MAGI3: variants seen among roughly 807,000 people sequenced by gnomAD.
MAGI3 encodes the protein membrane associated guanylate kinase, WW and PDZ domain containing 3.
Under a neutral mutation model 121.8 loss-of-function variants are expected in MAGI3, and 43 were observed. The observed-to-expected ratio is 0.35, with a 90% confidence interval of 0.28 to 0.46. The LOEUF is 0.46. MAGI3 is among the 20% of genes least tolerant of loss of function. The probability of loss-of-function intolerance (pLI) is 1.00; values close to 1 mark genes in which losing one functional copy is unlikely to be tolerated. For missense variants in MAGI3, 1,547 were observed against 1,797.3 expected (o/e 0.86, Z 2.52); for synonymous variants, 553 against 639.3 (o/e 0.86, Z 2.04).
intron 1 of MAGI3, among the ~76,000 whole-genome samples, chr1:113,494,574 C>A (rs890907840): frequency 2.6e-5 from 4 of 152,198 alleles, no homozygotes; most frequent in African/African-American, 9.7e-5. Context: ...ACAGTTCCCA[C>A]ATGCTAAATG....
At chr1:113,404,489 C>A (rs1160227755) in intron 1 of MAGI3, 1 of 152,146 alleles carries the variant, frequency 6.6e-6, no homozygotes, top group African/African-American at 2.4e-5. Flanking sequence ...CCACATTTTA[C>A]AATTATCTAT....
intron 1 of MAGI3, among the ~76,000 whole-genome samples, chr1:113,437,872 CTTCT>C (rs1360914095): frequency 8.6e-4 from 6 of 7,016 alleles, no homozygotes; most frequent in South Asian, 0.016. Context: ...TCCTCTTCTT[CTTCT>C]TCTCCTTCTC....
chr1:113,626,117 C>T (rs1463744953), intron 9 of MAGI3, among the ~76,000 whole-genome samples: 1 of 152,162 alleles, frequency 6.6e-6, no homozygotes, highest in Admixed American at 6.5e-5. Context: ...AGGCACTCAC[C>T]AGCACGCCTG....
intron 1 of MAGI3, among the ~76,000 whole-genome samples, chr1:113,520,620 T>A (rs1658131578): frequency 6.6e-6 from 1 of 152,192 alleles, no homozygotes; most frequent in Admixed American, 6.5e-5. Flanking sequence ...TTCTTTTTTT[T>A]ATGAGATGGA....
rs1659692121 is a variant in MAGI3 at position 113,549,855 on chromosome 1, A to G, written c.433+224A>G. ...AAAACTGGGCCGGGTGCAGTGGCTCACACCTATAATCCCAGCACTTTGGGA... is the reference window on the plus strand; with the variant it reads ...AAAACTGGGCCGGGTGCAGTGGCTCGCACCTATAATCCCAGCACTTTGGGA... On this transcript the variant is annotated intron_variant, in intron 2 of 20. Transcript: ENST00000307546. 3.3e-5 allele frequency among the ~76,000 whole-genome samples: 5 copies of G among 152,276 alleles called. No homozygotes were observed. The South Asian group carries it at 1.0e-3, about 32-fold the overall frequency.
At chr1:113,401,288 C>A (rs926721571) in intron 1 of MAGI3, among the ~76,000 whole-genome samples, 1 of 152,068 alleles carries the variant, frequency 6.6e-6, no homozygotes, top group Non-Finnish European at 1.5e-5. Flanking sequence ...AAGCACAATT[C>A]TGAATTGTTT....
intron 3 of MAGI3, 48 bp from the exon 4 acceptor site, chr1:113,585,339 C>T: frequency 6.4e-7 from 1 of 1,551,944 alleles, no homozygotes; most frequent in African/African-American, 1.4e-5. Flanking sequence ...ATTGCTCTGA[C>T]TCTCACTGCA....
At chr1:113,428,713 G>A (rs1653147604) in intron 1 of MAGI3, among the ~76,000 whole-genome samples, 1 of 152,134 alleles carries the variant, frequency 6.6e-6, no homozygotes, top group South Asian at 2.1e-4. Context: ...TTGGTACTAT[G>A]TCTTTGAAAT....
At chr1:113,420,385 A>G (rs886932682) in intron 1 of MAGI3, among the ~76,000 whole-genome samples, 4 of 152,206 alleles carry the variant, frequency 2.6e-5, no homozygotes, top group Non-Finnish European at 4.4e-5. Context: ...CTTTCAATAC[A>G]ACAGTAAACA....
intron 16 of MAGI3, among the ~76,000 whole-genome samples, chr1:113,665,797 T>G (rs530618916): frequency 6.5e-4 from 99 of 152,258 alleles, no homozygotes; most frequent in Non-Finnish European, 1.3e-3. Context: ...TTGCTGTAGT[T>G]TAACTGTGGA....
chr1:113,617,045 ACACCCACCTAATTTTG>A (rs1650517727), intron 7 of MAGI3, among the ~76,000 whole-genome samples: 1 of 152,074 alleles, frequency 6.6e-6, no homozygotes, highest in Non-Finnish European at 1.5e-5. Context: ...ATGCGCCACC[ACACCCACCTAATTTTG>A]TATTTTTAGT....
chr1:113,516,686 A>T (rs950162152), intron 1 of MAGI3, among the ~76,000 whole-genome samples: 16 of 151,994 alleles, frequency 1.1e-4, no homozygotes, highest in Non-Finnish European at 2.1e-4. Context: ...TGTGGGACAT[A>T]ACTCCCCACT....
At chr1:113,392,192 T>C (rs1332718753) in intron 1 of MAGI3, among the ~76,000 whole-genome samples, 1 of 152,272 alleles carries the variant, frequency 6.6e-6, no homozygotes, top group Non-Finnish European at 1.5e-5. Flanking sequence ...TAGTATGTAG[T>C]AGTTCTTATG....
intron 1 of MAGI3, among the ~76,000 whole-genome samples, chr1:113,441,573 A>C (rs894779890): frequency 6.6e-6 from 1 of 152,252 alleles, no homozygotes; most frequent in Admixed American, 6.5e-5. Context: ...TCCTTTAGGG[A>C]AATACTTTGA....
At chr1:113,645,091 T>G (rs1167426978) in intron 11 of MAGI3, among the ~76,000 whole-genome samples, 1 of 151,434 alleles carries the variant, frequency 6.6e-6, no homozygotes, top group Non-Finnish European at 1.5e-5. Flanking sequence ...GTGGTGTGAT[T>G]TTGGCTCACT....
chr1:113,531,615 C>A (rs1028306915), intron 1 of MAGI3, among the ~76,000 whole-genome samples: 2 of 149,858 alleles, frequency 1.3e-5, no homozygotes, highest in African/African-American at 4.9e-5. Flanking sequence ...AAAGGTCGTG[C>A]ATTTCTTTTT....
intron 1 of MAGI3, among the ~76,000 whole-genome samples, chr1:113,475,618 G>A (rs1485011748): frequency 2.6e-5 from 4 of 152,146 alleles, no homozygotes; most frequent in African/African-American, 4.8e-5. Context: ...TTCATGTGCT[G>A]CTGGGTTCAG....
chr1:113,398,491 G>A (rs190284920), intron 1 of MAGI3, among the ~76,000 whole-genome samples: 12 of 152,074 alleles, frequency 7.9e-5, no homozygotes, highest in Admixed American at 4.6e-4. Flanking sequence ...AAACTTTCTG[G>A]CATTTTAGCC....
intron 1 of MAGI3, among the ~76,000 whole-genome samples, chr1:113,533,011 A>G (rs1264381411): frequency 1.3e-5 from 2 of 151,936 alleles, no homozygotes. Flanking sequence ...TGTGGATTGT[A>G]CCTCTCCCCT....
Sources: gnomAD v4.1 joint callset for allele counts (sites outside exome capture counted in the v4.1 genomes callset) on GRCh38, gnomAD v4.1.1 for gene constraint, MANE v1.5 for transcripts, NCBI Gene and HGNC (gene_info 2026-07-23, HGNC 2026-07-21) for gene names.